Variants in PDE6H observed in about 807,000 individuals in gnomAD.
The protein encoded by PDE6H is retinal cone rhodopsin-sensitive cGMP 3',5'-cyclic phosphodiesterase subunit gamma.
In PDE6H, 11 loss-of-function variants were observed where a neutral mutation model predicts 9.2. The ratio of observed to expected loss-of-function variants is 1.19; its 90% CI spans 0.75 to 1.97. The LOEUF (loss-of-function observed/expected upper bound fraction) is 1.97. Among genes scored for constraint, PDE6H ranks in the 30% most tolerant of loss-of-function variants. The pLI is 0.00. For synonymous variants in PDE6H, 36 were observed against 33.6 expected (o/e 1.07, Z -0.25); for missense variants, 98 against 101.5 (o/e 0.97, Z 0.15).
chr12:14,975,372 T>G (rs569973453), intron 1 of PDE6H, among the ~76,000 whole-genome samples: 1 of 152,126 alleles, frequency 6.6e-6, no homozygotes, highest in Non-Finnish European at 1.5e-5. Flanking sequence ...CTTGTAATTT[T>G]TTTTTTTTTG....
rs200829414 is a variant in PDE6H at position 14,978,002 on chromosome 12, G to A, written c.-11G>A. On this transcript the variant is annotated 5_prime_UTR_variant, in exon 2 of 4. Transcript: ENST00000266395. The stretch of plus-strand genomic sequence containing the variant: ...TGAAAGGGAAACATCAGCCGCCCGG[G>A]GGGAGTTAAAATGAGTGACAACACT... The A allele has an allele frequency of 2.5e-6, 4 of 1,613,048 alleles. No homozygotes were observed. The highest frequency in any genetic ancestry group is 3.4e-6 in the Non-Finnish European group (4 of 1,179,808).
intron 1 of PDE6H, among the ~76,000 whole-genome samples, chr12:14,976,517 G>A (rs963387331): frequency 1.3e-5 from 2 of 152,046 alleles, no homozygotes; most frequent in African/African-American, 4.8e-5. Flanking sequence ...CTGTCAGGGA[G>A]GTTTGCAGTT....
At chr12:14,975,809 T>G (rs911397063) in intron 1 of PDE6H, among the ~76,000 whole-genome samples, 6 of 128,764 alleles carry the variant, frequency 4.7e-5, no homozygotes, top group East Asian at 5.0e-4. Flanking sequence ...TTCAATTTCT[T>G]TTGTTTTTTT....
At chr12:14,979,874 A>G (rs1327747752) in intron 3 of PDE6H, among the ~76,000 whole-genome samples, 1 of 152,176 alleles carries the variant, frequency 6.6e-6, no homozygotes, top group Non-Finnish European at 1.5e-5. Context: ...GAGTTCCTAT[A>G]TGTCCTCTCT....
At position 14,981,608 on chromosome 12, in the gene PDE6H, C is replaced by A; in HGVS notation, c.*132C>A. Reference sequence around the variant, plus strand: ...TTTGACTTTCAAGGTCATTCCCTATCAGTTACTACTAAGAGTTCTCTTACT... The same window carrying A: ...TTTGACTTTCAAGGTCATTCCCTATAAGTTACTACTAAGAGTTCTCTTACT... On this transcript the variant is annotated 3_prime_UTR_variant, in exon 4 of 4. Transcript: ENST00000266395. The A allele has an allele frequency of 1.4e-6, 1 of 713,310 alleles. No individual in the cohort carries two copies. The highest frequency in any genetic ancestry group is 2.6e-6 in the Non-Finnish European group (1 of 390,026). 44.2% of individuals were successfully genotyped at this position (713,310 alleles called of 1,614,324 possible).
intron 1 of PDE6H, among the ~76,000 whole-genome samples, chr12:14,977,365 T>C (rs1346218971): frequency 6.6e-6 from 1 of 152,176 alleles, no homozygotes. Context: ...CCATAAAAAA[T>C]GCTCAATAAA....
chr12:14,979,117 G>T, intron 2 of PDE6H, 62 bp from the exon 3 acceptor site: 1 of 1,089,284 alleles, frequency 9.2e-7, no homozygotes, highest in Non-Finnish European at 1.4e-6. Flanking sequence ...CTCTCCATGT[G>T]AGTGACTCCA....
chr12:14,979,014 TG>T (rs1259447437), intron 2 of PDE6H, among the ~76,000 whole-genome samples, 164 bp from the exon 3 acceptor site: 1 of 152,178 alleles, frequency 6.6e-6, no homozygotes, highest in African/African-American at 2.4e-5. Flanking sequence ...CCTGCCTGAG[TG>T]ACATTTTCTT....
intron 1 of PDE6H, among the ~76,000 whole-genome samples, chr12:14,977,463 ACT>A: frequency 6.6e-6 from 1 of 152,362 alleles, no homozygotes; most frequent in Non-Finnish European, 1.5e-5. Flanking sequence ...TATAGATATC[ACT>A]GAGTCCATTT....
intron 3 of PDE6H, among the ~76,000 whole-genome samples, chr12:14,979,445 T>C (rs757432940): frequency 6.6e-6 from 1 of 152,212 alleles, no homozygotes; most frequent in Non-Finnish European, 1.5e-5. Flanking sequence ...TCATAAACCT[T>C]CTTGTTTTGT....
intron 1 of PDE6H, among the ~76,000 whole-genome samples, chr12:14,976,310 C>A (rs1441639250): frequency 6.6e-6 from 1 of 152,062 alleles, no homozygotes; most frequent in Non-Finnish European, 1.5e-5. Context: ...TCTCACCATC[C>A]CTGGTACTGG....
At chr12:14,974,755 C>G (rs1456804403) in intron 1 of PDE6H, among the ~76,000 whole-genome samples, 1 of 152,100 alleles carries the variant, frequency 6.6e-6, no homozygotes, top group Non-Finnish European at 1.5e-5. Flanking sequence ...AGAGAATTAC[C>G]CAGCGAGGGC....
Position 14,978,159 on chromosome 12 carries a change from TGAAAA to T in PDE6H, c.134+19_134+23del. The T allele has an allele frequency of 6.2e-7, 1 of 1,612,306 alleles. No homozygotes were observed. The highest frequency in any genetic ancestry group is 1.8e-4 in the Middle Eastern group (1 of 5,574). On this transcript the variant is annotated intron_variant, in intron 2 of 3. Transcript: ENST00000266395. ...AAGGTGTGAAAGGGTAAGACCAAAA[TGAAAA>T]GAAAAACTTTCTATTACTTTCTTTT...
chr12:14,975,480 C>T (rs1408828149), intron 1 of PDE6H, among the ~76,000 whole-genome samples: 1 of 151,852 alleles, frequency 6.6e-6, no homozygotes, highest in African/African-American at 2.4e-5. Flanking sequence ...AGTTCAAAAA[C>T]CTTGATCTGA....
rs1864689916 is a variant in PDE6H, at chr12:14,981,838, A to G, written c.*362A>G. 2 of 343,266 alleles carry G rather than the reference A, an allele frequency of 5.8e-6. No homozygotes were observed. Among genetic ancestry groups the G allele is most frequent in the South Asian group, 2.7e-5 (1 of 36,924 alleles). 21.3% of individuals were successfully genotyped at this position (343,266 alleles called of 1,614,324 possible). ...TTTATGTCACTCCCCACCTCCTCATATTTAATAAAGGAGATATTTACCTTG... is the reference window on the plus strand; with the variant it reads ...TTTATGTCACTCCCCACCTCCTCATGTTTAATAAAGGAGATATTTACCTTG... On this transcript the variant is annotated 3_prime_UTR_variant, in exon 4 of 4. Coordinates refer to ENST00000266395, the MANE Select transcript of PDE6H (RefSeq NM_006205.3).
rs1324114466 is a variant in PDE6H, at chr12:14,979,139, C to T, written c.135-40C>T. On this transcript the variant is annotated intron_variant, in intron 2 of 3. Coordinates refer to ENST00000266395, the MANE Select transcript of PDE6H (RefSeq NM_006205.3). ...TGTGAGTGACTCCAAAATTCTTTTG[C>T]TCTAATCTCAGCTAATTTCTCCTTT... is the stretch of plus-strand genomic sequence containing the variant. The T allele has an allele frequency of 4.1e-6, 6 of 1,452,340 alleles. No individual in the cohort carries two copies. In the African/African-American group the frequency reaches 8.4e-5, roughly 20 times the overall value. 90.0% of individuals were successfully genotyped at this position (1,452,340 alleles called of 1,614,324 possible). A position where few individuals can be genotyped will look rare whatever the true frequency, so the allele number is the denominator to read the frequency against.
chr12:14,981,830 C>A lies in PDE6H; in HGVS notation c.*354C>A, dbSNP rs924862505. ...AGACAACATTTATGTCACTCCCCAC[C>A]TCCTCATATTTAATAAAGGAGATAT... On this transcript the variant is annotated 3_prime_UTR_variant, in exon 4 of 4. Transcript: ENST00000266395. 2.8e-6 allele frequency: 1 copy of A among 354,830 alleles called. No homozygotes were observed. The highest frequency in any genetic ancestry group is 2.7e-5 in the South Asian group (1 of 37,706). 22.0% of individuals were successfully genotyped at this position (354,830 alleles called of 1,614,324 possible). A position where few individuals can be genotyped will look rare whatever the true frequency, so the allele number is the denominator to read the frequency against.
chr12:14,977,524 T>A (rs1864613995), intron 1 of PDE6H, among the ~76,000 whole-genome samples: 1 of 152,232 alleles, frequency 6.6e-6, no homozygotes, highest in South Asian at 2.1e-4. Context: ...AAGTACAGCA[T>A]CATAATAAAT....
rs184599057 is a variant in PDE6H at position 14,977,808 on chromosome 12, A to T, written c.-41-164A>T. Among the ~76,000 whole-genome samples the T allele has an allele frequency of 3.3e-5, 5 of 152,324 alleles. No individual in the cohort carries two copies. The East Asian group carries it at 9.6e-4, about 29-fold the overall frequency. On this transcript the variant is annotated intron_variant, in intron 1 of 3. Transcript: ENST00000266395. ...GCATTGATTTATACTCTGTTTTCTT[A>T]AAGATCCCTTTTAAAGATGATAACT...
Sources: gnomAD v4.1 joint callset for allele counts (sites outside exome capture counted in the v4.1 genomes callset) on GRCh38, gnomAD v4.1.1 for gene constraint, MANE v1.5 for transcripts, NCBI Gene and HGNC (gene_info 2026-07-23, HGNC 2026-07-21) for gene names.